The following NKAIN2 variants were observed in gnomAD, a reference collection of about 807,000 sequenced individuals.
NKAIN2 encodes sodium/potassium-transporting ATPase subunit beta-1-interacting protein 2.
NKAIN2 carries 14 observed loss-of-function variants against 32.6 expected under a neutral mutation model. That is an observed-to-expected ratio of 0.43 (90% CI 0.28 to 0.67). The LOEUF (loss-of-function observed/expected upper bound fraction) is 0.67, where lower values mean the gene tolerates loss of function less well. NKAIN2 is among the 30% of genes least tolerant of loss of function. The pLI is 0.17. For synonymous variants in NKAIN2, 80 were observed against 87.2 expected (o/e 0.92, Z 0.46); for missense variants, 198 against 258.3 (o/e 0.77, Z 1.60).
chr6:124,186,425 G>C (rs1429563815), intron 1 of NKAIN2, among the ~76,000 whole-genome samples: 1 of 152,034 alleles, frequency 6.6e-6, no homozygotes, highest in South Asian at 2.1e-4. Flanking sequence ...CTGAGCAACA[G>C]AGCAAGCCCC....
chr6:124,084,293 G>A (rs1019965118), intron 1 of NKAIN2, among the ~76,000 whole-genome samples: 7 of 151,900 alleles, frequency 4.6e-5, no homozygotes, highest in Non-Finnish European at 8.8e-5. Context: ...ATATAATGGT[G>A]GTCCCCTAAG....
At chr6:124,689,406 C>T (rs1427352451) in intron 4 of NKAIN2, among the ~76,000 whole-genome samples, 4 of 151,986 alleles carry the variant, frequency 2.6e-5, no homozygotes, top group Admixed American at 1.3e-4. Flanking sequence ...CATACTGTTG[C>T]TTTTCTTTTC....
intron 1 of NKAIN2, among the ~76,000 whole-genome samples, chr6:124,217,660 T>C (rs534128505): frequency 3.3e-5 from 5 of 152,292 alleles, no homozygotes; most frequent in Middle Eastern, 6.8e-3. Flanking sequence ...GGAATTCCAA[T>C]TGACATTCTC....
intron 1 of NKAIN2, among the ~76,000 whole-genome samples, chr6:124,093,254 C>G (rs1784508680): frequency 2.0e-5 from 3 of 152,022 alleles, no homozygotes. Context: ...AAATGTGACT[C>G]CTCTGCAGTT....
At chr6:124,574,560 A>G (rs149457197) in intron 3 of NKAIN2, among the ~76,000 whole-genome samples, 1 of 152,058 alleles carries the variant, frequency 6.6e-6, no homozygotes, top group African/African-American at 2.4e-5. Context: ...CAGAGGTTGC[A>G]GTGAGCTGAG....
intron 2 of NKAIN2, among the ~76,000 whole-genome samples, chr6:124,316,219 T>G (rs1321300968): frequency 6.6e-6 from 1 of 152,134 alleles, no homozygotes; most frequent in East Asian, 1.9e-4. Context: ...CGCTTGCAGC[T>G]TGTTTTAAAA....
chr6:124,014,278 A>G (rs544365932), intron 1 of NKAIN2, among the ~76,000 whole-genome samples: 1 of 152,190 alleles, frequency 6.6e-6, no homozygotes, highest in African/African-American at 2.4e-5. Context: ...ATGTCCACCT[A>G]CAAATATATA....
intron 3 of NKAIN2, among the ~76,000 whole-genome samples, chr6:124,477,853 C>CCTCT (rs199900065): frequency 8.4e-5 from 12 of 142,198 alleles, no homozygotes; most frequent in African/African-American, 3.1e-4. Flanking sequence ...TCCTCTTCTT[C>CCTCT]CTCTCTCTCT....
chr6:124,818,371 A>C lies in NKAIN2; in HGVS notation c.536-16A>C, dbSNP rs2114878123. ...ATCTCTTCTGAAAAGCTAATTAATG[A>C]ATTGTCCCTTTTCAGTTGATTTCAT... is the stretch of plus-strand genomic sequence containing the variant. On this transcript the variant is annotated splice_polypyrimidine_tract_variant and intron_variant, in intron 5 of 6. Coordinates refer to ENST00000368417, the MANE Select transcript of NKAIN2 (RefSeq NM_001040214.3). 1.4e-6 allele frequency: 2 copies of C among 1,476,290 alleles called. No individual in the cohort carries two copies. The highest frequency in any genetic ancestry group is 2.3e-5 in the East Asian group (1 of 44,190). The allele number at this position is 1,476,290 out of a possible 1,614,324, so 91.4% of individuals were successfully genotyped here.
intron 1 of NKAIN2, among the ~76,000 whole-genome samples, chr6:123,963,743 A>G (rs73557006): frequency 0.012 from 1,832 of 152,278 alleles, 31 homozygotes; most frequent in African/African-American, 0.041. Context: ...ATCTTTCCAA[A>G]ACAATCCGTC....
intron 3 of NKAIN2, among the ~76,000 whole-genome samples, chr6:124,372,154 A>G (rs1411487384): frequency 1.3e-5 from 2 of 152,172 alleles, no homozygotes; most frequent in Non-Finnish European, 1.5e-5. Flanking sequence ...ACAAAATACC[A>G]TACATGTTTA....
chr6:124,425,066 T>A (rs1264329819), intron 3 of NKAIN2, among the ~76,000 whole-genome samples: 1 of 152,098 alleles, frequency 6.6e-6, no homozygotes, highest in African/African-American at 2.4e-5. Flanking sequence ...GCCAGCTAAT[T>A]TTCAACCAGG....
At chr6:124,113,695 G>A (rs1337043818) in intron 1 of NKAIN2, among the ~76,000 whole-genome samples, 1 of 152,128 alleles carries the variant, frequency 6.6e-6, no homozygotes, top group Non-Finnish European at 1.5e-5. Flanking sequence ...TCCCCTGGGT[G>A]AAACCAGGAG....
chr6:124,715,045 A>C (rs1158454915), intron 4 of NKAIN2, among the ~76,000 whole-genome samples: 1 of 152,158 alleles, frequency 6.6e-6, no homozygotes, highest in African/African-American at 2.4e-5. Context: ...TTAACCCTAT[A>C]AATGCCACCC....
intron 4 of NKAIN2, among the ~76,000 whole-genome samples, chr6:124,687,743 TACAC>T (rs373594549): frequency 7.5e-4 from 78 of 104,368 alleles, no homozygotes; most frequent in Admixed American, 3.1e-3. Context: ...ATATGATATA[TACAC>T]ACACACACAC....
In NKAIN2 at chr6:124,658,268, C is replaced by T. The variant is rs1784613013; in HGVS notation, c.356C>T (p.Ser119Leu). The change falls in exon 4 of 7, where the codon TCA becomes TTA. Residue 119 changes from serine (S) to leucine (L), a missense_variant. Ser to Leu is a moderately radical substitution (Grantham distance 145). Coordinates refer to ENST00000368417, the MANE Select transcript of NKAIN2 (RefSeq NM_001040214.3). ...AATGGACCAGGATGTACGGTGACGT[C>T]AGTGACACCTGCCCCAGACTGGGCC... ...MENGPGCTVT[S>L]VTPAPDWAPE... 6.2e-7 allele frequency: 1 copy of T among 1,614,074 alleles called. No homozygotes were observed. The highest frequency in any genetic ancestry group is 1.1e-5 in the South Asian group (1 of 91,082).
intron 1 of NKAIN2, among the ~76,000 whole-genome samples, chr6:123,946,531 G>A (rs1777072199): frequency 6.6e-6 from 1 of 152,014 alleles, no homozygotes; most frequent in Non-Finnish European, 1.5e-5. Context: ...ATTTTCAGAT[G>A]ATTTGCTTTT....
chr6:124,134,898 G>A (rs1037022845), intron 1 of NKAIN2, among the ~76,000 whole-genome samples: 2 of 152,134 alleles, frequency 1.3e-5, no homozygotes, highest in Admixed American at 6.5e-5. Flanking sequence ...TGAGGCAAAA[G>A]TATCAGGTAA....
chr6:124,227,115 A>G (rs1453817681), intron 1 of NKAIN2, among the ~76,000 whole-genome samples: 2 of 149,990 alleles, frequency 1.3e-5, no homozygotes, highest in Non-Finnish European at 3.0e-5. Context: ...AGTTACTAAT[A>G]CTCTGAATCT....
Sources: gnomAD v4.1 joint callset for allele counts (sites outside exome capture counted in the v4.1 genomes callset) on GRCh38, gnomAD v4.1.1 for gene constraint, MANE v1.5 for transcripts, NCBI Gene and HGNC (gene_info 2026-07-23, HGNC 2026-07-21) for gene names.